Variants in ADGRV1 observed in about 807,000 individuals in gnomAD.
The protein encoded by ADGRV1 is G-protein coupled receptor 98.
ADGRV1 carries 359 observed loss-of-function variants against 596.2 expected under a neutral mutation model. The ratio of observed to expected loss-of-function variants is 0.60; its 90% CI spans 0.55 to 0.66. The LOEUF (loss-of-function observed/expected upper bound fraction) is 0.66. Among genes scored for constraint, ADGRV1 ranks in the 30% least tolerant of loss-of-function variants. The probability of loss-of-function intolerance (pLI) is 0.00; values close to 1 mark genes in which losing one functional copy is unlikely to be tolerated. For synonymous variants in ADGRV1, 2,681 were observed against 2,679.2 expected (o/e 1.00, Z -0.02); for missense variants, 7,274 against 7,575.6 (o/e 0.96, Z 1.48).
In ADGRV1 at chr5:90,637,874, C is replaced by T. The variant is rs1766429135; in HGVS notation, c.2166C>T (p.Asp722=). 6.2e-7 allele frequency: 1 copy of T among 1,613,594 alleles called. No individual in the cohort carries two copies. The highest frequency in any genetic ancestry group is 8.5e-7 in the Non-Finnish European group (1 of 1,179,724). The change falls in exon 11 of 90, where the codon GAC becomes GAT. Residue 722 remains aspartate, a synonymous_variant. Transcript: ENST00000405460. The part of the protein sequence containing the change: ...GSVLFLSGQS[D]TTINITIKGD... ...TTTTGTTTTTATCTGGGCAAAGTGA[C>T]ACAACAATCAACATTACTATCAAAG...
chr5:90,800,739 G>A (rs1581166274), intron 70 of ADGRV1, among the ~76,000 whole-genome samples: 2 of 152,332 alleles, frequency 1.3e-5, no homozygotes, highest in Middle Eastern at 6.8e-3. Flanking sequence ...ATGCTATACA[G>A]CCATAAAAAT....
At chr5:91,012,372 G>A (rs1452464807) in intron 85 of ADGRV1, among the ~76,000 whole-genome samples, 1 of 151,808 alleles carries the variant, frequency 6.6e-6, no homozygotes, top group African/African-American at 2.4e-5. Flanking sequence ...TTAATAAGTT[G>A]CCTTCAGTTC....
chr5:90,582,573 A>T (rs2151977810), intron 1 of ADGRV1, among the ~76,000 whole-genome samples: 1 of 151,902 alleles, frequency 6.6e-6, no homozygotes, highest in African/African-American at 2.4e-5. Flanking sequence ...ACTTTGATAA[A>T]TTTTTTTTAG....
chr5:90,768,301 C>T (rs894541699), intron 59 of ADGRV1, among the ~76,000 whole-genome samples: 2 of 152,116 alleles, frequency 1.3e-5, no homozygotes, highest in Non-Finnish European at 2.9e-5. Flanking sequence ...TGTAACGGCT[C>T]CATTGTTTTT....
At chr5:90,799,562 G>A (rs528700283) in intron 70 of ADGRV1, among the ~76,000 whole-genome samples, 5 of 152,146 alleles carry the variant, frequency 3.3e-5, no homozygotes, top group Admixed American at 1.3e-4. Context: ...TTTCTTCATA[G>A]AATTGGAAAA....
intron 87 of ADGRV1, among the ~76,000 whole-genome samples, chr5:91,138,416 T>C (rs1748931376): frequency 1.3e-5 from 2 of 152,188 alleles, no homozygotes; most frequent in South Asian, 4.1e-4. Flanking sequence ...CAATTTTTAT[T>C]TTTTTAAGTT....
Position 90,777,912 on chromosome 5 carries a change from C to T in ADGRV1, c.12535C>T (p.Arg4179Ter), listed in dbSNP as rs1554112848. ...YNGTAIISLV[R>*]GPGILGEVTV... is the part of the protein sequence containing the mutation. Reference sequence around the variant, plus strand: ...ATTTGTTTATTGTTGTAGCCTTGTTCGAGGCCCAGGGATTTTGGGGGAGGT... The same window carrying T: ...ATTTGTTTATTGTTGTAGCCTTGTTTGAGGCCCAGGGATTTTGGGGGAGGT... Residue 4179 changes from arginine (R) to a stop codon, truncating the protein, a stop_gained, in exon 62 of 90, where the codon CGA becomes TGA. Coordinates refer to ENST00000405460, the MANE Select transcript of ADGRV1 (RefSeq NM_032119.4). LOFTEE classifies it high-confidence loss of function. 2.5e-6 allele frequency: 4 copies of T among 1,609,364 alleles called. No homozygotes were observed. Among genetic ancestry groups the T allele is most frequent in the South Asian group, 2.2e-5 (2 of 90,540 alleles).
intron 83 of ADGRV1, among the ~76,000 whole-genome samples, chr5:90,889,527 GTC>G (rs1735761403): frequency 6.6e-6 from 1 of 152,034 alleles, no homozygotes; most frequent in Non-Finnish European, 1.5e-5. Context: ...TTTGTTGATA[GTC>G]TGTTACAGTA....
intron 78 of ADGRV1, among the ~76,000 whole-genome samples, chr5:90,845,200 G>A (rs201907192): frequency 0.031 from 4,686 of 152,094 alleles, 106 homozygotes; most frequent in Middle Eastern, 0.051. Context: ...AACTGTGTGC[G>A]AACACAATTG....
At chr5:90,600,064 G>A (rs948255982) in intron 1 of ADGRV1, among the ~76,000 whole-genome samples, 4 of 152,118 alleles carry the variant, frequency 2.6e-5, no homozygotes, top group East Asian at 1.9e-4. Context: ...AATATGACAC[G>A]CAAATACCTT....
intron 83 of ADGRV1, among the ~76,000 whole-genome samples, chr5:90,952,116 C>T (rs1195324695): frequency 6.6e-6 from 1 of 152,172 alleles, no homozygotes; most frequent in African/African-American, 2.4e-5. Context: ...TGCCCATAGT[C>T]TGCATTGTAC....
At chr5:90,603,851 G>A (rs984217589) in intron 1 of ADGRV1, among the ~76,000 whole-genome samples, 1 of 147,106 alleles carries the variant, frequency 6.8e-6, no homozygotes, top group Admixed American at 6.8e-5. Context: ...CTGCATGGAG[G>A]CATTCCACAA....
rs1299621929 is a variant in ADGRV1 at position 91,054,102 on chromosome 5, T to TGTGTGTGTGAGA, written c.18153-18344_18153-18343insTGTGTGTGAGAG. On this transcript the variant is annotated intron_variant, in intron 85 of 89. Coordinates refer to ENST00000405460, the MANE Select transcript of ADGRV1 (RefSeq NM_032119.4). ...GTGTGTGTGTGTGTGTGTGTGTGTG[T>TGTGTGTGTGAGA]GAGAGAGAGAGAGAGAGAGAGAGAG... 8.0e-4 allele frequency among the ~76,000 whole-genome samples: 101 copies of TGTGTGTGTGAGA among 126,734 alleles called. 1 individual carries two copies. The highest frequency in any genetic ancestry group is 1.3e-3 in the South Asian group (5 of 3,798). 83.1% of individuals were successfully genotyped at this position (126,734 alleles called of 152,430 possible). A position where few individuals can be genotyped will look rare whatever the true frequency, so the allele number is the denominator to read the frequency against.
At chr5:90,847,380 T>C (rs1347022372) in intron 78 of ADGRV1, among the ~76,000 whole-genome samples, 1 of 152,174 alleles carries the variant, frequency 6.6e-6, no homozygotes, top group Non-Finnish European at 1.5e-5. Context: ...AGAGTGCCGA[T>C]TGGTGTATTT....
intron 77 of ADGRV1, among the ~76,000 whole-genome samples, chr5:90,838,554 G>A (rs1037602899): frequency 5.9e-5 from 9 of 152,088 alleles, no homozygotes; most frequent in Admixed American, 2.0e-4. Flanking sequence ...ACGTGATGTC[G>A]TCACTTGAAT....
At chr5:91,097,099 GA>G (rs1468344460) in intron 86 of ADGRV1, among the ~76,000 whole-genome samples, 2 of 152,196 alleles carry the variant, frequency 1.3e-5, no homozygotes, top group Non-Finnish European at 2.9e-5. Context: ...GAATACCCTA[GA>G]GCAGGTAGCT....
At chr5:90,846,689 G>A (rs1454068211) in intron 78 of ADGRV1, 1 of 152,706 alleles carries the variant, frequency 6.5e-6, no homozygotes, top group Non-Finnish European at 1.5e-5. Context: ...GACCCAAAGA[G>A]TGAGCAGTAG....
At chr5:90,622,318 C>G (rs540819912) in intron 4 of ADGRV1, among the ~76,000 whole-genome samples, 4 of 152,166 alleles carry the variant, frequency 2.6e-5, no homozygotes, top group Non-Finnish European at 5.9e-5. Context: ...ACTAAAAAAC[C>G]TTTAAATTCC....
intron 67 of ADGRV1, among the ~76,000 whole-genome samples, chr5:90,785,241 G>A (rs1389797928): frequency 6.6e-6 from 1 of 152,080 alleles, no homozygotes; most frequent in Non-Finnish European, 1.5e-5. Context: ...TTACACCTTA[G>A]ACAAAAATTA....
Sources: allele counts gnomAD v4.1 joint callset (sites outside exome capture counted in the v4.1 genomes callset), GRCh38; gene constraint gnomAD v4.1.1; transcripts MANE v1.5; gene names NCBI Gene and HGNC (gene_info 2026-07-23, HGNC 2026-07-21).